Variants in SBK1 observed in about 807,000 individuals in gnomAD.
SBK1 encodes the protein SH3 domain binding kinase 1.
In SBK1, 11 loss-of-function variants were observed where a neutral mutation model predicts 24.4. That is an observed-to-expected ratio of 0.45 (90% CI 0.28 to 0.75). SBK1 has a LOEUF of 0.75. SBK1 is among the 30% of genes least tolerant of loss of function. SBK1 has a pLI of 0.12. For synonymous variants in SBK1, 308 were observed against 284.4 expected (o/e 1.08, Z -0.83); for missense variants, 467 against 620.5 (o/e 0.75, Z 2.63).
chr16:28,273,990 A>G (rs1375572385), intron 1 of SBK1, among the ~76,000 whole-genome samples: 1 of 152,232 alleles, frequency 6.6e-6, no homozygotes, highest in South Asian at 2.1e-4. Context: ...CTCCAGTGAT[A>G]TGACATTCTG....
chr16:28,269,032 CTTT>C (rs1223749659), intron 1 of SBK1, among the ~76,000 whole-genome samples: 17 of 130,208 alleles, frequency 1.3e-4, no homozygotes, highest in Non-Finnish European at 2.1e-4. Context: ...AAGTTCTTTC[CTTT>C]TTTTTTTTTT....
intron 1 of SBK1, among the ~76,000 whole-genome samples, chr16:28,262,533 C>A (rs963229725): frequency 6.6e-6 from 1 of 152,152 alleles, no homozygotes; most frequent in Non-Finnish European, 1.5e-5. Context: ...GAGGCCACTG[C>A]GATGAATGTG....
chr16:28,281,856 A>G (rs2044534958), intron 1 of SBK1, among the ~76,000 whole-genome samples: 2 of 152,172 alleles, frequency 1.3e-5, no homozygotes, highest in African/African-American at 2.4e-5. Flanking sequence ...TGGGTGTCCC[A>G]GGCAGGCTCT....
intron 1 of SBK1, among the ~76,000 whole-genome samples, chr16:28,294,160 A>G (rs930420697): frequency 6.6e-6 from 1 of 151,988 alleles, no homozygotes; most frequent in Non-Finnish European, 1.5e-5. Flanking sequence ...GGTGGTACAC[A>G]CGGCCGTACC....
intron 1 of SBK1, among the ~76,000 whole-genome samples, chr16:28,267,306 C>A (rs531976047): frequency 6.6e-6 from 1 of 152,156 alleles, no homozygotes; most frequent in African/African-American, 2.4e-5. Context: ...GTGATCCTCC[C>A]GCCTCAGTTT....
chr16:28,280,348 A>AT (rs1491503564), intron 1 of SBK1, among the ~76,000 whole-genome samples: 1 of 142,880 alleles, frequency 7.0e-6, no homozygotes, highest in African/African-American at 2.6e-5. Flanking sequence ...ATATATATAT[A>AT]AAATATATAT....
At chr16:28,315,461 C>T (rs1305084710) in intron 1 of SBK1, among the ~76,000 whole-genome samples, 1 of 152,074 alleles carries the variant, frequency 6.6e-6, no homozygotes, top group East Asian at 1.9e-4. Flanking sequence ...CACTGTCACC[C>T]ACATGACAAG....
At position 28,280,616 on chromosome 16, in the gene SBK1, C is replaced by T. The variant is rs60202858; in HGVS notation, c.257+21114C>T. On this transcript the variant is annotated intron_variant, in intron 1 of 3. Transcript: ENST00000671413. ...GACTTCAGTCCCAGGTGTGGATATC[C>T]TCTATGGCCCTACTGTGAGACCCTG... 8.2e-3 allele frequency among the ~76,000 whole-genome samples: 1,241 copies of T among 151,996 alleles called. 12 individuals carry two copies. Among genetic ancestry groups the T allele is most frequent in the African/African-American group, 0.028 (1,159 of 41,452 alleles).
rs1178682944 is a variant in SBK1, at chr16:28,319,995, T to C, written c.430-81T>C. The stretch of plus-strand genomic sequence containing the variant: ...GGGTGGGAGGCGAAAACCGCCTTGC[T>C]AGAGAGGGAGCTGGAGGGGAGGGCG... On this transcript the variant is annotated intron_variant, in intron 3 of 3. Coordinates refer to ENST00000341901, the MANE Select transcript of SBK1 (RefSeq NM_001024401.3). The surrounding 1 kb of genome is among the most constrained non-coding windows in gnomAD (Gnocchi z 4.0). The C allele has an allele frequency of 2.9e-6, 4 of 1,373,192 alleles. No individual in the cohort carries two copies. The highest frequency in any genetic ancestry group is 3.8e-6 in the Non-Finnish European group (4 of 1,055,904). 85.1% of individuals were successfully genotyped at this position (1,373,192 alleles called of 1,614,324 possible).
chr16:28,301,832 A>G (rs1259665569), intron 1 of SBK1, among the ~76,000 whole-genome samples: 4 of 152,202 alleles, frequency 2.6e-5, no homozygotes, highest in Admixed American at 1.3e-4. Context: ...CATTTTACTG[A>G]TGGGCAAACT....
chr16:28,269,800 C>T (rs1460173005), intron 1 of SBK1, among the ~76,000 whole-genome samples: 1 of 151,882 alleles, frequency 6.6e-6, no homozygotes, highest in African/African-American at 2.4e-5. Flanking sequence ...CGCTTGAACT[C>T]GGGAGGTGGG....
chr16:28,274,267 C>G (rs112162607), intron 1 of SBK1, among the ~76,000 whole-genome samples: 4 of 152,298 alleles, frequency 2.6e-5, no homozygotes, highest in African/African-American at 9.6e-5. Context: ...AAGTGCACCA[C>G]GCTGATACAA....
intron 1 of SBK1, among the ~76,000 whole-genome samples, chr16:28,315,713 A>G (rs1300051358): frequency 2.0e-5 from 3 of 152,150 alleles, no homozygotes; most frequent in Admixed American, 2.0e-4. Context: ...GTGAGCTATG[A>G]TCATCCTACT....
intron 1 of SBK1, among the ~76,000 whole-genome samples, chr16:28,301,830 T>A (rs905372203): frequency 7.2e-5 from 11 of 152,228 alleles, no homozygotes; most frequent in African/African-American, 2.7e-4. Flanking sequence ...CCCATTTTAC[T>A]GATGGGCAAA....
intron 1 of SBK1, among the ~76,000 whole-genome samples, chr16:28,267,300 T>G (rs1226074190): frequency 6.6e-6 from 1 of 152,182 alleles, no homozygotes; most frequent in African/African-American, 2.4e-5. Flanking sequence ...GCTCAAGTGA[T>G]CCTCCCGCCT....
intron 1 of SBK1, among the ~76,000 whole-genome samples, chr16:28,262,782 T>A (rs992506353): frequency 6.6e-6 from 1 of 152,184 alleles, no homozygotes; most frequent in Non-Finnish European, 1.5e-5. Flanking sequence ...TTTGATGTAT[T>A]AATTAAGGTG....
chr16:28,319,980 C>G lies in SBK1; in HGVS notation c.430-96C>G. On this transcript the variant is annotated intron_variant, in intron 3 of 3. Transcript: ENST00000341901. The surrounding 1 kb of genome is among the most constrained non-coding windows in gnomAD (Gnocchi z 4.0). ...CAGTTACTGGGGACAGGGTGGGAGG[C>G]GAAAACCGCCTTGCTAGAGAGGGAG... 1 of 1,318,168 alleles carries G rather than the reference C, an allele frequency of 7.6e-7. No individual in the cohort carries two copies. Among genetic ancestry groups the G allele is most frequent in the Non-Finnish European group, 9.9e-7 (1 of 1,005,620 alleles). 81.7% of individuals were successfully genotyped at this position (1,318,168 alleles called of 1,614,324 possible). A position where few individuals can be genotyped will look rare whatever the true frequency, so the allele number is the denominator to read the frequency against.
At position 28,321,224 on chromosome 16, in the gene SBK1, C is replaced by G. The variant is rs1423770649; in HGVS notation, c.*303C>G. ...ACACACACACACACACACACACACA[C>G]ACACACACACACACGCCAGGAGCAA... On this transcript the variant is annotated 3_prime_UTR_variant, in exon 4 of 4. Transcript: ENST00000341901. The G allele has an allele frequency of 1.0e-5, 1 of 97,002 alleles. No homozygotes were observed. Among genetic ancestry groups the G allele is most frequent in the African/African-American group, 3.4e-5 (1 of 29,496 alleles). The allele number at this position is 97,002 out of a possible 1,614,324, so 6.0% of individuals were successfully genotyped here.
intron 1 of SBK1, among the ~76,000 whole-genome samples, chr16:28,299,533 G>A (rs991044854): frequency 4.6e-5 from 7 of 152,116 alleles, no homozygotes; most frequent in Non-Finnish European, 8.8e-5. Flanking sequence ...CCTGCCCCAC[G>A]CTTCCACTTA....
Sources: gnomAD v4.1 joint callset for allele counts (sites outside exome capture counted in the v4.1 genomes callset) on GRCh38, gnomAD v4.1.1 for gene constraint, Gnocchi (gnomAD v3.1) non-coding constraint, MANE v1.5 for transcripts, NCBI Gene and HGNC (gene_info 2026-07-23, HGNC 2026-07-21) for gene names.